The following CFAP299 variants were observed in gnomAD, a reference collection of about 807,000 sequenced individuals.
The protein encoded by CFAP299 is cilia and flagella associated protein 299.
A neutral mutation model predicts 27.0 loss-of-function variants in CFAP299; 21 were observed. The ratio of observed to expected loss-of-function variants is 0.78; its 90% confidence interval spans 0.55 to 1.12. The LOEUF (loss-of-function observed/expected upper bound fraction) is 1.12, where lower values mean the gene tolerates loss of function less well. Among genes scored for constraint, CFAP299 ranks in the 50% most tolerant of loss-of-function variants. The pLI is 0.00. For synonymous variants in CFAP299, 104 were observed against 98.1 expected (o/e 1.06, Z -0.36); for missense variants, 310 against 276.6 (o/e 1.12, Z -0.86).
intron 3 of CFAP299, among the ~76,000 whole-genome samples, chr4:80,677,086 T>A (rs539669287): frequency 1.3e-5 from 2 of 152,210 alleles, no homozygotes; most frequent in Non-Finnish European, 2.9e-5. Flanking sequence ...TGTTTATTGC[T>A]ATAAACTTCC....
chr4:80,853,649 G>C (rs914092521), intron 3 of CFAP299, among the ~76,000 whole-genome samples: 9 of 152,126 alleles, frequency 5.9e-5, no homozygotes, highest in African/African-American at 2.2e-4. Context: ...GGAAAATAGT[G>C]GGAATCAGGT....
intron 2 of CFAP299, among the ~76,000 whole-genome samples, chr4:80,521,968 T>C (rs1423006723): frequency 1.3e-5 from 2 of 152,030 alleles, no homozygotes; most frequent in Non-Finnish European, 2.9e-5. Context: ...TTTTCAATTG[T>C]TTTTTGAAAA....
chr4:80,357,044 A>C (rs1464427798), intron 1 of CFAP299, among the ~76,000 whole-genome samples: 1 of 152,148 alleles, frequency 6.6e-6, no homozygotes, highest in Admixed American at 6.5e-5. Context: ...TTTTAACATG[A>C]AGGGATGTTG....
intron 4 of CFAP299, among the ~76,000 whole-genome samples, chr4:80,927,890 C>T (rs906353519): frequency 6.6e-6 from 1 of 152,134 alleles, no homozygotes; most frequent in Admixed American, 6.6e-5. Flanking sequence ...TTTACCAAAG[C>T]ACATAACATA....
chr4:80,327,690 T>TTTTATATATATATATATATATATA, the CFAP299 span, among the ~76,000 whole-genome samples: 2 of 51,238 alleles, frequency 3.9e-5, no homozygotes, highest in South Asian at 9.3e-4. Context: ...TAGAGAGAAG[T>TTTTATATATATATATATATATATA]TATATATATA....
chr4:80,912,623 C>T (rs936324359), intron 4 of CFAP299, among the ~76,000 whole-genome samples: 1 of 152,128 alleles, frequency 6.6e-6, no homozygotes. Context: ...CACACTGGCC[C>T]ACGCGTATGG....
rs532125038 is a variant in CFAP299 at position 80,613,825 on chromosome 4, A to AC, written c.333+30643dup. 2.2e-4 allele frequency among the ~76,000 whole-genome samples: 34 copies of AC among 152,304 alleles called. No individual in the cohort carries two copies. The Middle Eastern group carries it at 0.01, about 46-fold the overall frequency. ...TGACTGTATTTCACAATTCATTTGT[A>AC]CTTGCAAAGACTAATGCTTGACCAA... On this transcript the variant is annotated intron_variant, in intron 3 of 5. Coordinates refer to ENST00000358105, the MANE Select transcript of CFAP299 (RefSeq NM_152770.3).
chr4:80,817,384 A>G (rs1432082356), intron 3 of CFAP299, among the ~76,000 whole-genome samples: 1 of 152,120 alleles, frequency 6.6e-6, no homozygotes, highest in Non-Finnish European at 1.5e-5. Context: ...TAACATATGA[A>G]TAAATTAAAA....
At chr4:80,774,051 C>A (rs1166032358) in intron 3 of CFAP299, among the ~76,000 whole-genome samples, 4 of 151,838 alleles carry the variant, frequency 2.6e-5, no homozygotes, top group African/African-American at 9.7e-5. Flanking sequence ...TTATGTTCGG[C>A]TGATCACATA....
At chr4:80,743,941 A>T (rs1224741048) in intron 3 of CFAP299, among the ~76,000 whole-genome samples, 1 of 152,182 alleles carries the variant, frequency 6.6e-6, no homozygotes. Flanking sequence ...ATAAATATGG[A>T]CCCAGGCTGT....
intron 2 of CFAP299, among the ~76,000 whole-genome samples, chr4:80,427,847 A>G (rs572961298): frequency 1.3e-5 from 2 of 152,316 alleles, no homozygotes; most frequent in African/African-American, 4.8e-5. Flanking sequence ...TTAGATATTA[A>G]TAGTGATTTA....
Position 80,940,282 on chromosome 4 carries a change from C to T in CFAP299, c.477-4528C>T, listed in dbSNP as rs187904354. ...TTCCCCCCAAGACTATTTAGTCATG[C>T]CAATCACCTCAGTAATCTGGGAGTG... On this transcript the variant is annotated intron_variant, in intron 4 of 5. Transcript: ENST00000358105. Among the ~76,000 whole-genome samples, 617 of 152,252 alleles carry T rather than the reference C, an allele frequency of 4.1e-3. 1 individual carries two copies. The highest frequency in any genetic ancestry group is 0.014 in the Middle Eastern group (4 of 294).
chr4:80,550,449 T>A (rs1311897626), intron 2 of CFAP299, among the ~76,000 whole-genome samples: 1 of 152,150 alleles, frequency 6.6e-6, no homozygotes, highest in African/African-American at 2.4e-5. Flanking sequence ...GTTTGACTGA[T>A]CTGATATAGA....
intron 3 of CFAP299, among the ~76,000 whole-genome samples, chr4:80,701,434 A>G (rs1281117855): frequency 1.3e-5 from 2 of 152,084 alleles, no homozygotes; most frequent in Non-Finnish European, 2.9e-5. Context: ...TTGTTGAGAA[A>G]GTGCTAAGAC....
chr4:80,504,657 G>T (rs1731925430), intron 2 of CFAP299, among the ~76,000 whole-genome samples: 1 of 147,180 alleles, frequency 6.8e-6, no homozygotes, highest in Non-Finnish European at 1.5e-5. Context: ...TAGGATTTGG[G>T]GTTTTCTCAG....
chr4:80,552,358 A>G (rs1457561301), intron 2 of CFAP299, among the ~76,000 whole-genome samples: 1 of 152,178 alleles, frequency 6.6e-6, no homozygotes, highest in African/African-American at 2.4e-5. Flanking sequence ...GAAATGAAAA[A>G]GAAAAATGTC....
chr4:80,790,653 T>C (rs1276802995), intron 3 of CFAP299: 1 of 152,082 alleles, frequency 6.6e-6, no homozygotes, highest in Non-Finnish European at 1.5e-5. Context: ...GTTCCTACTA[T>C]GCTGGCATCC....
chr4:80,799,832 ATATAT>A (rs1172118556), intron 3 of CFAP299, among the ~76,000 whole-genome samples: 5 of 25,998 alleles, frequency 1.9e-4, no homozygotes, highest in Non-Finnish European at 2.6e-4. Context: ...ATATATATTT[ATATAT>A]TATATTATAT....
intron 3 of CFAP299, among the ~76,000 whole-genome samples, chr4:80,631,939 G>A (rs1194905273): frequency 7.0e-6 from 1 of 141,926 alleles, no homozygotes; most frequent in East Asian, 2.2e-4. Flanking sequence ...GGCATTTTGG[G>A]AGTTAAGTGG....
Sources: gnomAD v4.1 joint callset for allele counts (sites outside exome capture counted in the v4.1 genomes callset) on GRCh38, gnomAD v4.1.1 for gene constraint, MANE v1.5 for transcripts, NCBI Gene and HGNC (gene_info 2026-07-23, HGNC 2026-07-21) for gene names.